Variants in MACROD2 observed in about 807,000 individuals in gnomAD.
MACROD2 encodes ADP-ribose glycohydrolase MACROD2.
In MACROD2, 36 loss-of-function variants were observed where a neutral mutation model predicts 70.4. That is an observed-to-expected ratio of 0.51 (90% confidence interval 0.39 to 0.68). MACROD2 has a LOEUF of 0.68. MACROD2 is among the 30% of genes least tolerant of loss of function. The pLI, the probability that MACROD2 is intolerant of heterozygous loss-of-function variation, is 0.00. For synonymous variants in MACROD2, 172 were observed against 178.8 expected, an observed-to-expected ratio of 0.96 and a Z score of 0.30; for missense variants, 496 against 538.4, an observed-to-expected ratio of 0.92 and a Z score of 0.78.
At chr20:15,646,212 C>T (rs1263271582) in intron 8 of MACROD2, among the ~76,000 whole-genome samples, 3 of 152,100 alleles carry the variant, frequency 2.0e-5, no homozygotes, top group African/African-American at 4.8e-5. Context: ...TAATTCACAG[C>T]AAAAACACAG....
At chr20:15,588,336 G>A (rs565296487) in intron 8 of MACROD2, among the ~76,000 whole-genome samples, 8 of 152,270 alleles carry the variant, frequency 5.3e-5, no homozygotes, top group African/African-American at 1.9e-4. Flanking sequence ...TTCCTCCCGG[G>A]CCTCTGAGCC....
intron 10 of MACROD2, among the ~76,000 whole-genome samples, chr20:15,916,315 T>C (rs1481554198): frequency 6.6e-6 from 1 of 152,162 alleles, no homozygotes; most frequent in Admixed American, 6.5e-5. Context: ...CTGGCTTCCC[T>C]GAGAGCAAGG....
intron 8 of MACROD2, among the ~76,000 whole-genome samples, chr20:15,635,148 A>G (rs181417023): frequency 2.7e-4 from 41 of 152,368 alleles, no homozygotes; most frequent in Middle Eastern, 3.4e-3. Flanking sequence ...ATTCAATCCC[A>G]TTCTACATGA....
chr20:15,058,015 T>A (rs1196454499), intron 5 of MACROD2, among the ~76,000 whole-genome samples: 1 of 152,198 alleles, frequency 6.6e-6, no homozygotes, highest in Admixed American at 6.5e-5. Context: ...ATTTATAATA[T>A]CAAGTCATGT....
intron 3 of MACROD2, among the ~76,000 whole-genome samples, chr20:14,372,903 A>G (rs1432785726): frequency 2.0e-5 from 3 of 152,160 alleles, no homozygotes; most frequent in African/African-American, 7.2e-5. Flanking sequence ...CCATGGCTTT[A>G]TAACTGTGTG....
chr20:15,539,943 G>A (rs537629115), intron 8 of MACROD2, among the ~76,000 whole-genome samples: 11 of 152,312 alleles, frequency 7.2e-5, no homozygotes, highest in South Asian at 2.1e-4. Context: ...AGCCAAGATC[G>A]TGCCACTGCA....
intron 5 of MACROD2, among the ~76,000 whole-genome samples, chr20:14,768,827 A>G (rs2072127596): frequency 6.6e-6 from 1 of 152,116 alleles, no homozygotes; most frequent in African/African-American, 2.4e-5. Context: ...CATATTCCTG[A>G]GTGAACAGCC....
At chr20:15,738,422 A>C (rs766905486) in intron 8 of MACROD2, among the ~76,000 whole-genome samples, 1 of 152,210 alleles carries the variant, frequency 6.6e-6, no homozygotes, top group East Asian at 1.9e-4. Context: ...GAAAGGAAAA[A>C]TTAAGGAAGA....
chr20:14,112,820 G>A (rs940108042), intron 3 of MACROD2, among the ~76,000 whole-genome samples: 4 of 151,896 alleles, frequency 2.6e-5, no homozygotes, highest in African/African-American at 9.7e-5. Flanking sequence ...ACCAGAAAGA[G>A]TAGTGGAGTA....
At chr20:14,605,924 T>G (rs906983091) in intron 4 of MACROD2, among the ~76,000 whole-genome samples, 1 of 152,164 alleles carries the variant, frequency 6.6e-6, no homozygotes, top group African/African-American at 2.4e-5. Context: ...AATGTAATTA[T>G]ACGTGTAAAA....
chr20:15,906,077 A>G (rs1287991282), intron 10 of MACROD2, among the ~76,000 whole-genome samples: 1 of 152,214 alleles, frequency 6.6e-6, no homozygotes, highest in Non-Finnish European at 1.5e-5. Context: ...GAAAGTAGAT[A>G]TGGGGTTTGA....
At chr20:15,136,629 T>C (rs1046963128) in intron 5 of MACROD2, among the ~76,000 whole-genome samples, 1 of 151,936 alleles carries the variant, frequency 6.6e-6, no homozygotes, top group Non-Finnish European at 1.5e-5. Flanking sequence ...ACCTAGGCAT[T>C]ACCATTCAGG....
At position 14,273,925 on chromosome 20, in the gene MACROD2, C is replaced by G. The variant is rs113868456; in HGVS notation, c.271+188197C>G. 5.8e-3 allele frequency among the ~76,000 whole-genome samples: 885 copies of G among 152,070 alleles called. 5 individuals carry two copies. Among genetic ancestry groups the G allele is most frequent in the Non-Finnish European group, 7.1e-3 (485 of 67,994 alleles). ...ATGGATAAATTCCTCGACACATACACCCTCCCAAGACTAAACCAGGAAGAA... is the reference window on the plus strand; with the variant it reads ...ATGGATAAATTCCTCGACACATACAGCCTCCCAAGACTAAACCAGGAAGAA... On this transcript the variant is annotated intron_variant, in intron 3 of 17. Coordinates refer to ENST00000684519, the MANE Select transcript of MACROD2 (RefSeq NM_001351661.2).
intron 3 of MACROD2, among the ~76,000 whole-genome samples, chr20:14,423,802 G>A (rs1480743320): frequency 1.0e-5 from 1 of 95,818 alleles, no homozygotes; most frequent in Non-Finnish European, 1.9e-5. Context: ...CGCTCTTTTC[G>A]CCCAGGCTGG....
chr20:15,024,342 G>A (rs1300575137), intron 5 of MACROD2, among the ~76,000 whole-genome samples: 2 of 151,886 alleles, frequency 1.3e-5, no homozygotes, highest in African/African-American at 2.4e-5. Context: ...AATTTTAACA[G>A]GAAGGACAAG....
chr20:14,268,733 T>TGA, intron 3 of MACROD2, among the ~76,000 whole-genome samples: 1 of 152,216 alleles, frequency 6.6e-6, no homozygotes, highest in African/African-American at 2.4e-5. Context: ...AAATATTAAC[T>TGA]ATTCATATGA....
At chr20:15,538,406 A>C (rs1472135889) in intron 8 of MACROD2, among the ~76,000 whole-genome samples, 3 of 152,240 alleles carry the variant, frequency 2.0e-5, no homozygotes, top group Non-Finnish European at 4.4e-5. Flanking sequence ...TTTCTTGCTC[A>C]ATGACCAAAT....
chr20:15,818,971 CACA>C (rs1436664657), intron 8 of MACROD2, among the ~76,000 whole-genome samples: 1 of 151,924 alleles, frequency 6.6e-6, no homozygotes, highest in Non-Finnish European at 1.5e-5. Flanking sequence ...GAAGTTATTA[CACA>C]ACTAGTAATT....
At chr20:14,879,137 T>G (rs898826367) in intron 5 of MACROD2, among the ~76,000 whole-genome samples, 3 of 152,164 alleles carry the variant, frequency 2.0e-5, no homozygotes, top group Non-Finnish European at 4.4e-5. Flanking sequence ...ATTGCGTAAT[T>G]AAAACCTTGT....
Sources: allele counts gnomAD v4.1 joint callset (sites outside exome capture counted in the v4.1 genomes callset), GRCh38; gene constraint gnomAD v4.1.1; transcripts MANE v1.5; gene names NCBI Gene and HGNC (gene_info 2026-07-23, HGNC 2026-07-21).